Variants in TRIM5 observed in about 807,000 individuals in gnomAD.
TRIM5 encodes the protein tripartite motif containing 5, also known as tripartite motif-containing protein 5.
Under a neutral mutation model 35.6 loss-of-function variants are expected in TRIM5, and 31 were observed. The observed-to-expected ratio is 0.87, with a 90% CI of 0.65 to 1.18. The LOEUF is 1.18. TRIM5 is among the 50% of genes most tolerant of loss of function. TRIM5 has a pLI of 0.00. For missense variants in TRIM5, 609 were observed against 591.6 expected (o/e 1.03, Z -0.31); for synonymous variants, 243 against 215.6 (o/e 1.13, Z -1.11).
At chr11:5,679,364 T>A (rs1483431574) in intron 2 of TRIM5, among the ~76,000 whole-genome samples, 195 bp from the exon 3 acceptor site, 2 of 152,122 alleles carry the variant, frequency 1.3e-5, no homozygotes, top group African/African-American at 2.4e-5. Context: ...GTAATAGACC[T>A]CCCCATCTCC....
chr11:5,662,262 C>T (rs1283946678), downstream of TRIM5, among the ~76,000 whole-genome samples: 1 of 152,010 alleles, frequency 6.6e-6, no homozygotes, highest in African/African-American at 2.4e-5. Context: ...ATGAGGTAGA[C>T]CATTAAAACA....
the TRIM5 span, chr11:5,610,997 T>G: frequency 1.3e-5 from 21 of 1,614,166 alleles, no homozygotes; most frequent in Non-Finnish European, 1.8e-5. Flanking sequence ...TATGCAGCAA[T>G]TCACTGGGAC....
At chr11:5,634,044 G>A in the TRIM5 span, 1 of 839,564 alleles carries the variant, frequency 1.2e-6, no homozygotes, top group Non-Finnish European at 1.8e-6. Flanking sequence ...CCCTGTTGGG[G>A]GTGGAGGCTA....
At chr11:5,630,538 C>T in the TRIM5 span, among the ~76,000 whole-genome samples, 2 of 152,212 alleles carry the variant, frequency 1.3e-5, no homozygotes, top group South Asian at 4.1e-4. Flanking sequence ...CATTTAAAAA[C>T]TTTCGAACAT....
At chr11:5,633,150 T>TC in the TRIM5 span, among the ~76,000 whole-genome samples, 4 of 144,058 alleles carry the variant, frequency 2.8e-5, no homozygotes, top group African/African-American at 7.6e-5. Flanking sequence ...TTCTTTCTTT[T>TC]TTTTTTTTTT....
the TRIM5 span, chr11:5,604,399 C>T: frequency 5.6e-6 from 5 of 885,120 alleles, no homozygotes; most frequent in Admixed American, 8.0e-5. Flanking sequence ...GATTTGTTGG[C>T]CCTCTCAAGT....
At chr11:5,613,526 T>C in the TRIM5 span, among the ~76,000 whole-genome samples, 1 of 152,184 alleles carries the variant, frequency 6.6e-6, no homozygotes, top group African/African-American at 2.4e-5. Context: ...TGCGTTTCAA[T>C]TGGAAGAGAT....
the TRIM5 span, chr11:5,604,705 C>A: frequency 6.9e-7 from 1 of 1,455,798 alleles, no homozygotes; most frequent in Non-Finnish European, 9.3e-7. Context: ...CAAAGGAGTC[C>A]TTGTCCTGTC....
At chr11:5,643,127 T>TA in the TRIM5 span, 29 of 521,662 alleles carry the variant, frequency 5.6e-5, no homozygotes, top group Middle Eastern at 4.9e-4. Context: ...ATATATATAT[T>TA]TTTTTTTTTC....
the TRIM5 span, among the ~76,000 whole-genome samples, chr11:5,602,312 A>G: frequency 6.6e-6 from 1 of 152,028 alleles, no homozygotes; most frequent in Non-Finnish European, 1.5e-5. Context: ...ACATAGTGGC[A>G]GGCACCTGTA....
intron 7 of TRIM5, 117 bp downstream of exon 7, chr11:5,665,539 A>G (rs1851064224): frequency 6.4e-7 from 1 of 1,565,982 alleles, no homozygotes; most frequent in Middle Eastern, 1.7e-4. Context: ...TGTGTCTTGG[A>G]AGGAGAATCA....
At chr11:5,672,816 T>C (rs567750248) in intron 4 of TRIM5, among the ~76,000 whole-genome samples, 112 of 152,180 alleles carry the variant, frequency 7.4e-4, no homozygotes, top group African/African-American at 2.6e-3. Context: ...TGAAGGGAAG[T>C]TTCTGTATTT....
chr11:5,605,896 C>G, the TRIM5 span, among the ~76,000 whole-genome samples: 15 of 152,152 alleles, frequency 9.9e-5, no homozygotes, highest in Non-Finnish European at 2.2e-4. Flanking sequence ...CTGGATAATT[C>G]TTTGCTGCGT....
Position 5,664,818 on chromosome 11 carries a change from T to G in TRIM5, c.1473A>C (p.Pro491=). 6.3e-7 allele frequency: 1 copy of G among 1,589,962 alleles called. No individual in the cohort carries two copies. Among genetic ancestry groups the G allele is most frequent in the Non-Finnish European group, 8.5e-7 (1 of 1,170,348 alleles). The change falls in exon 8 of 8, where the codon CCA becomes CCC. Residue 491 remains proline, a synonymous_variant. Transcript: ENST00000380034. ...GAGTGTGTAAGAAGGTTCAAGAGCT[T>G]GGTGAGCACAGAGTCATGGGGACTC... ...KCGVPMTLCS[P]SS is the part of the protein sequence containing the mutation.
the TRIM5 span, chr11:5,645,639 G>C: frequency 6.3e-6 from 1 of 157,772 alleles, no homozygotes; most frequent in East Asian, 1.8e-4. Flanking sequence ...AAGGTCTAAT[G>C]TTTTGGGTCA....
the TRIM5 span, among the ~76,000 whole-genome samples, chr11:5,608,019 A>G: frequency 1.8e-4 from 27 of 152,338 alleles, no homozygotes; most frequent in Middle Eastern, 0.01. Flanking sequence ...CAACCAGAAC[A>G]GGATGTAAGC....
chr11:5,641,158 T>G, the TRIM5 span: 8 of 1,613,490 alleles, frequency 5.0e-6, no homozygotes, highest in East Asian at 1.8e-4. Context: ...TTTTCTCTTT[T>G]CTTTCTAGGA....
the TRIM5 span, among the ~76,000 whole-genome samples, chr11:5,602,237 G>A: frequency 0.95 from 143,865 of 152,178 alleles, 68,250 homozygotes; most frequent in East Asian, 1. Flanking sequence ...TCAGGAGATC[G>A]AGACCATCCT....
chr11:5,664,104 G>A lies in TRIM5; in HGVS notation c.*705C>T. 3.0e-6 allele frequency: 1 copy of A among 337,402 alleles called. No individual in the cohort carries two copies. Among genetic ancestry groups the A allele is most frequent in the Non-Finnish European group, 4.2e-6 (1 of 238,148 alleles). 20.9% of individuals were successfully genotyped at this position (337,402 alleles called of 1,614,324 possible). The stretch of plus-strand genomic sequence containing the variant: ...TAATCCCAGCTACTTGGGAGGCTGA[G>A]GCAGGAGAATTGCTTGAATCTGAGA... On this transcript the variant is annotated 3_prime_UTR_variant, in exon 8 of 8. Transcript: ENST00000380034.
Sources: gnomAD v4.1 joint callset for allele counts (sites outside exome capture counted in the v4.1 genomes callset) on GRCh38, gnomAD v4.1.1 for gene constraint, MANE v1.5 for transcripts, NCBI Gene and HGNC (gene_info 2026-07-23, HGNC 2026-07-21) for gene names.